SLC35F4: variants seen among roughly 807,000 people sequenced by gnomAD.
SLC35F4 encodes solute carrier family 35 member F4.
In SLC35F4, 24 loss-of-function variants were observed where a neutral mutation model predicts 44.2. That is an observed-to-expected ratio of 0.54 (90% CI 0.39 to 0.76). SLC35F4 has a LOEUF of 0.76. Ranked by LOEUF, SLC35F4 falls within the 30% of genes least tolerant of loss-of-function variation. The probability of loss-of-function intolerance (pLI) is 0.00; values close to 1 mark genes in which losing one functional copy is unlikely to be tolerated. For missense variants in SLC35F4, 562 were observed against 586.1 expected (o/e 0.96, Z 0.42); for synonymous variants, 238 against 223.6 (o/e 1.06, Z -0.57).
chr14:57,774,422 A>G (rs145956244), intron 1 of SLC35F4, among the ~76,000 whole-genome samples: 1 of 152,294 alleles, frequency 6.6e-6, no homozygotes, highest in Non-Finnish European at 1.5e-5. Flanking sequence ...CAGAACTCCA[A>G]CTGGTGCAGA....
chr14:57,691,826 G>A (rs2075240319), intron 1 of SLC35F4, among the ~76,000 whole-genome samples: 1 of 146,270 alleles, frequency 6.8e-6, no homozygotes, highest in South Asian at 2.3e-4. Context: ...AAATGTGACA[G>A]ACTTAGATGA....
chr14:57,696,101 A>C (rs1472876555), intron 1 of SLC35F4, among the ~76,000 whole-genome samples: 1 of 152,190 alleles, frequency 6.6e-6, no homozygotes. Context: ...AATTAAACTA[A>C]AGAGTTTCTG....
chr14:57,722,793 C>A (rs964500036), intron 1 of SLC35F4, among the ~76,000 whole-genome samples: 1 of 152,138 alleles, frequency 6.6e-6, no homozygotes, highest in Non-Finnish European at 1.5e-5. Context: ...CAGAAAACTT[C>A]TAGGTTGAAT....
chr14:57,610,223 G>C (rs2071412156), intron 1 of SLC35F4, among the ~76,000 whole-genome samples: 1 of 152,178 alleles, frequency 6.6e-6, no homozygotes, highest in African/African-American at 2.4e-5. Context: ...AAAAGAGACT[G>C]AAAAACAGGT....
At chr14:57,753,940 A>G (rs1430304320) in intron 1 of SLC35F4, among the ~76,000 whole-genome samples, 2 of 151,954 alleles carry the variant, frequency 1.3e-5, no homozygotes, top group East Asian at 1.9e-4. Flanking sequence ...TCTGTCCCCA[A>G]ATGGGACTGG....
chr14:57,882,715 G>GTAGT (rs1165706404), intron 1 of SLC35F4, among the ~76,000 whole-genome samples: 2 of 152,130 alleles, frequency 1.3e-5, no homozygotes, highest in Non-Finnish European at 2.9e-5. Flanking sequence ...CTGCCTTTGG[G>GTAGT]TAGTAAGCCT....
At chr14:57,793,054 G>A (rs1055434097) in intron 1 of SLC35F4, among the ~76,000 whole-genome samples, 4 of 151,856 alleles carry the variant, frequency 2.6e-5, no homozygotes, top group African/African-American at 9.7e-5. Flanking sequence ...CAAAATATTA[G>A]AAACTGGTGT....
chr14:57,680,503 A>T (rs2074860214), intron 1 of SLC35F4, among the ~76,000 whole-genome samples: 2 of 150,862 alleles, frequency 1.3e-5, no homozygotes, highest in South Asian at 4.2e-4. Context: ...TATTCAACAT[A>T]TTGGAAGTTC....
At chr14:57,595,292 A>G (rs371600117) in intron 1 of SLC35F4, among the ~76,000 whole-genome samples, 15 of 152,364 alleles carry the variant, frequency 9.8e-5, no homozygotes, top group African/African-American at 3.1e-4. Context: ...TTCAGGAAGA[A>G]CACCACAGAG....
intron 1 of SLC35F4, among the ~76,000 whole-genome samples, chr14:57,919,957 C>T (rs1889409641): frequency 6.6e-6 from 1 of 152,142 alleles, no homozygotes; most frequent in African/African-American, 2.4e-5. Context: ...CACTTTGCCA[C>T]CTTTCAGATC....
At chr14:57,819,685 C>T (rs190551484) in intron 1 of SLC35F4, among the ~76,000 whole-genome samples, 179 of 150,858 alleles carry the variant, frequency 1.2e-3, no homozygotes, top group African/African-American at 4.1e-3. Flanking sequence ...TGGTGGTGTG[C>T]GTCTGTATTC....
chr14:57,740,823 GCCT>G (rs1045866390), intron 1 of SLC35F4, among the ~76,000 whole-genome samples: 4 of 152,146 alleles, frequency 2.6e-5, no homozygotes, highest in African/African-American at 7.2e-5. Flanking sequence ...CAGACATACT[GCCT>G]CCTCAAGTGG....
At chr14:57,870,147 T>TGC (rs1419662872), upstream of SLC35F4, among the ~76,000 whole-genome samples, 3 of 148,124 alleles carry the variant, frequency 2.0e-5, no homozygotes, top group Non-Finnish European at 4.4e-5. Context: ...TGTGTGTGTG[T>TGC]GTGTGTGTGT....
At position 57,796,564 on chromosome 14, in the gene SLC35F4, T is replaced by C. The variant is rs2078058492; in HGVS notation, c.103+69159A>G. Among the ~76,000 whole-genome samples, 3 of 152,192 alleles carry C rather than the reference T, an allele frequency of 2.0e-5. No homozygotes were observed. The South Asian group carries it at 6.2e-4, about 31-fold the overall frequency. On this transcript the variant is annotated intron_variant, in intron 1 of 7. Coordinates refer to ENST00000556826, the MANE Select transcript of SLC35F4 (RefSeq NM_001306087.2). Reference sequence around the variant, plus strand: ...CATAAATTAAAAATATTAAAAGTCATAAATAAAAGCATTAAGAGCAGAGTA... The same window carrying C: ...CATAAATTAAAAATATTAAAAGTCACAAATAAAAGCATTAAGAGCAGAGTA...
chr14:57,920,405 TG>T (rs1889418866), intron 1 of SLC35F4, among the ~76,000 whole-genome samples: 1 of 152,078 alleles, frequency 6.6e-6, no homozygotes, highest in African/African-American at 2.4e-5. Context: ...TAAGACCTCA[TG>T]TCTACAAAAC....
At chr14:57,632,251 A>AT (rs1328112816) in intron 1 of SLC35F4, among the ~76,000 whole-genome samples, 9 of 152,078 alleles carry the variant, frequency 5.9e-5, no homozygotes, top group African/African-American at 2.2e-4. Flanking sequence ...GTGGGGTTAA[A>AT]TTTTGCATTT....
chr14:57,964,974 GA>G (rs72495990), intron 1 of SLC35F4, among the ~76,000 whole-genome samples: 18,388 of 118,374 alleles, frequency 0.16, 1,398 homozygotes, highest in Non-Finnish European at 0.18. Context: ...TCCCATGGGG[GA>G]AAAAAAAAAA....
At chr14:57,698,338 T>C (rs10141518) in intron 1 of SLC35F4, among the ~76,000 whole-genome samples, 20,412 of 152,186 alleles carry the variant, frequency 0.13, 1,635 homozygotes, top group African/African-American at 0.22. Context: ...TCCCTTAGGA[T>C]GAATTCATAC....
chr14:57,856,449 C>A (rs1887099074), intron 1 of SLC35F4, among the ~76,000 whole-genome samples: 1 of 151,986 alleles, frequency 6.6e-6, no homozygotes, highest in Non-Finnish European at 1.5e-5. Flanking sequence ...AAATAAGGTA[C>A]ATCTAAAATT....
Sources: allele counts gnomAD v4.1 joint callset (sites outside exome capture counted in the v4.1 genomes callset), GRCh38; gene constraint gnomAD v4.1.1; transcripts MANE v1.5; gene names NCBI Gene and HGNC (gene_info 2026-07-23, HGNC 2026-07-21).